COL27A1: variants seen among roughly 807,000 people sequenced by gnomAD.
COL27A1 encodes the protein collagen alpha-1(XXVII) chain.
COL27A1 carries 106 observed loss-of-function variants against 251.3 expected under a neutral mutation model. That is an observed-to-expected ratio of 0.42 (90% confidence interval 0.36 to 0.50). The LOEUF (loss-of-function observed/expected upper bound fraction) is 0.50. COL27A1 is among the 20% of genes least tolerant of loss of function. The pLI, the probability that COL27A1 is intolerant of heterozygous loss-of-function variation, is 0.00. For synonymous variants in COL27A1, 1,000 were observed against 986.3 expected, an observed-to-expected ratio of 1.01 and a Z score of -0.26; for missense variants, 2,325 against 2,522.8, an observed-to-expected ratio of 0.92 and a Z score of 1.68.
At chr9:114,209,818 G>T in intron 11 of COL27A1, 90 bp downstream of exon 11, 1 of 1,293,732 alleles carries the variant, frequency 7.7e-7, no homozygotes, top group Non-Finnish European at 1.1e-6. Flanking sequence ...GGGAAGTCAA[G>T]GAATTCCTCC....
rs778471498 is a variant in COL27A1, at chr9:114,168,958, C to T, written c.1403C>T (p.Ala468Val). The change falls in exon 3 of 61, where the codon GCC becomes GTC. Residue 468 changes from alanine to valine, a missense_variant. Ala to Val is a moderately conservative substitution (Grantham distance 64). This residue lies in a region of COL27A1 where 1,183 missense variants were observed against 1,144.1 expected (regional missense o/e 1.03). Transcript: ENST00000356083. ...ACTGAGGCCAAGATAACCAGCCATG[C>T]CAGTAAGCCGGCCTCTGCCCGCACC... Reference protein sequence around the residue: ...ARTEAKITSHASKPASARTST... With the variant: ...ARTEAKITSHVSKPASARTST... 1 of 1,614,132 alleles carries T rather than the reference C, an allele frequency of 6.2e-7. No individual in the cohort carries two copies. Among genetic ancestry groups the T allele is most frequent in the South Asian group, 1.1e-5 (1 of 91,070 alleles).
chr9:114,170,207 C>T (rs1302426247), intron 3 of COL27A1, among the ~76,000 whole-genome samples: 1 of 152,152 alleles, frequency 6.6e-6, no homozygotes, highest in African/African-American at 2.4e-5. Flanking sequence ...TTTGTAACCC[C>T]CGGTAGGAGT....
chr9:114,200,680 G>A (rs1829500923), intron 7 of COL27A1, among the ~76,000 whole-genome samples: 1 of 152,222 alleles, frequency 6.6e-6, no homozygotes, highest in African/African-American at 2.4e-5. Flanking sequence ...AGGACACTTG[G>A]AGAGGCCAGC....
At chr9:114,209,005 G>A (rs886725270) in intron 10 of COL27A1, among the ~76,000 whole-genome samples, 2 of 152,112 alleles carry the variant, frequency 1.3e-5, no homozygotes, top group Non-Finnish European at 2.9e-5. Context: ...GCTGGCCCTG[G>A]GTGACCCTTG....
rs1827693996 is a variant in COL27A1 at position 114,288,751 on chromosome 9, A to G, written c.4094A>G (p.Tyr1365Cys). 4.3e-6 allele frequency: 7 copies of G among 1,610,318 alleles called. No homozygotes were observed. The East Asian group carries it at 1.3e-4, about 31-fold the overall frequency. The change falls in exon 43 of 61, where the codon TAC (tyrosine) becomes TGC (cysteine). Residue 1365 changes from tyrosine (Y) to cysteine (C), a missense_variant. Tyr to Cys is a radical substitution (Grantham distance 194). Around this residue, in one of 4 missense-constraint regions of COL27A1, gnomAD observed 662 missense variants for 795.3 expected, o/e 0.83. Transcript: ENST00000356083. Reference sequence around the variant, plus strand: ...CGCGGGGAACCGGGAGACCCTGGGTACCCTGTAAGTATCAGAGCTCCTACC... The same window carrying G: ...CGCGGGGAACCGGGAGACCCTGGGTGCCCTGTAAGTATCAGAGCTCCTACC... The part of the protein sequence containing the change: ...GDRGEPGDPG[Y>C]PGQEGVQGLR...
At chr9:114,226,050 C>A (rs1430995001) in intron 14 of COL27A1, among the ~76,000 whole-genome samples, 1 of 152,156 alleles carries the variant, frequency 6.6e-6, no homozygotes, top group Non-Finnish European at 1.5e-5. Context: ...CTTTGAGTAA[C>A]TGAAACCCTT....
At chr9:114,244,602 C>T (rs949706892) in intron 23 of COL27A1, among the ~76,000 whole-genome samples, 75 of 152,336 alleles carry the variant, frequency 4.9e-4, no homozygotes, top group African/African-American at 1.7e-3. Context: ...CCATATCTCC[C>T]TCCCTTCTGG....
intron 26 of COL27A1, 30 bp from the exon 27 acceptor site, chr9:114,252,849 A>C: frequency 2.5e-6 from 4 of 1,608,960 alleles, no homozygotes; most frequent in Non-Finnish European, 3.4e-6. Flanking sequence ...TCCATAGCTG[A>C]TTCCTCCTTT....
chr9:114,263,260 CTTGT>C (rs1834484316), intron 28 of COL27A1, among the ~76,000 whole-genome samples: 1 of 152,158 alleles, frequency 6.6e-6, no homozygotes, highest in Non-Finnish European at 1.5e-5. Context: ...CCCAGCCTTC[CTTGT>C]TTGATTTTTA....
chr9:114,307,812 G>A (rs1471385231), intron 59 of COL27A1, 34 bp downstream of exon 59: 2 of 1,514,784 alleles, frequency 1.3e-6, no homozygotes, highest in Admixed American at 1.7e-5. Flanking sequence ...CCACCAGGCT[G>A]TCTGCCTCTA....
chr9:114,231,052 C>A, intron 14 of COL27A1, 27 bp from the exon 15 acceptor site: 1 of 1,608,560 alleles, frequency 6.2e-7, no homozygotes, highest in South Asian at 1.1e-5. Context: ...CTGCTCACAG[C>A]ACCCTCTTCT....
At position 114,311,911 on chromosome 9, in the gene COL27A1, C is replaced by A. The variant is rs115415349; in HGVS notation, c.*1216C>A. On this transcript the variant is annotated 3_prime_UTR_variant, in exon 61 of 61. Transcript: ENST00000356083. The stretch of plus-strand genomic sequence containing the variant: ...TCCAGGAGCCTGTCCTTGCAAGATG[C>A]AATCATCGTTCCTGCTTTTTCATTG... The A allele has an allele frequency of 3.0e-3, 455 of 152,360 alleles. 5 individuals carry two copies. The highest frequency in any genetic ancestry group is 0.01 in the African/African-American group (431 of 41,572). The allele number at this position is 152,360 out of a possible 1,614,324, so 9.4% of individuals were successfully genotyped here.
At chr9:114,165,955 A>G (rs1343079845) in intron 2 of COL27A1, among the ~76,000 whole-genome samples, 2 of 149,408 alleles carry the variant, frequency 1.3e-5, no homozygotes, top group African/African-American at 5.0e-5. Flanking sequence ...CCATCTATCC[A>G]TCCATCCATC....
At chr9:114,306,761 C>T (rs555375877) in intron 58 of COL27A1, 73 bp downstream of exon 58, 330 of 1,543,834 alleles carry the variant, frequency 2.1e-4, no homozygotes, top group Non-Finnish European at 2.7e-4. Flanking sequence ...ATTTGATTTC[C>T]GCCGCATTTT....
chr9:114,243,661 G>A, intron 23 of COL27A1, 101 bp downstream of exon 23: 4 of 993,296 alleles, frequency 4.0e-6, no homozygotes, highest in African/African-American at 1.6e-5. Flanking sequence ...TTGTGAAAAG[G>A]GAGAAAAAAA....
intron 3 of COL27A1, among the ~76,000 whole-genome samples, chr9:114,171,294 G>C (rs1416954580): frequency 6.6e-6 from 1 of 152,086 alleles, no homozygotes; most frequent in Non-Finnish European, 1.5e-5. Flanking sequence ...GGAGGAGGTG[G>C]AGTTGAAGTT....
At chr9:114,288,533 G>A (rs761003000) in intron 42 of COL27A1, 22 bp downstream of exon 42, 11 of 1,595,390 alleles carry the variant, frequency 6.9e-6, no homozygotes, top group Non-Finnish European at 9.4e-6. Context: ...CCCTCCCCTG[G>A]ACCATGTGGC....
At chr9:114,301,564 C>G in intron 54 of COL27A1, 102 bp downstream of exon 54, 5 of 1,535,230 alleles carry the variant, frequency 3.3e-6, no homozygotes, top group Non-Finnish European at 4.4e-6. Context: ...TCCGTCATCC[C>G]GTCTGTGCCA....
chr9:114,264,253 T>C (rs1186169686), intron 28 of COL27A1, 102 bp from the exon 29 acceptor site: 2 of 871,270 alleles, frequency 2.3e-6, no homozygotes, highest in Non-Finnish European at 3.4e-6. Context: ...CCGGAGCTTG[T>C]GCAGGGGAAG....
Sources: allele counts gnomAD v4.1 joint callset (sites outside exome capture counted in the v4.1 genomes callset), GRCh38; gene constraint gnomAD v4.1.1; regional missense constraint gnomAD v4.1.1; transcripts MANE v1.5; gene names NCBI Gene and HGNC (gene_info 2026-07-23, HGNC 2026-07-21).